Variants in PMEPA1 observed in about 807,000 individuals in gnomAD.
PMEPA1 encodes the protein prostate transmembrane protein, androgen induced 1.
PMEPA1 carries 11 observed loss-of-function variants against 23.0 expected under a neutral mutation model. The observed-to-expected ratio is 0.48, with a 90% CI of 0.30 to 0.79. The LOEUF is 0.79. Ranked by LOEUF, PMEPA1 falls within the 30% of genes least tolerant of loss-of-function variation. The pLI, the probability that PMEPA1 is intolerant of heterozygous loss-of-function variation, is 0.06. For synonymous variants in PMEPA1, 204 were observed against 166.4 expected, an observed-to-expected ratio of 1.23 and a Z score of -1.74; for missense variants, 377 against 390.9, an observed-to-expected ratio of 0.96 and a Z score of 0.30.
At position 57,683,905 on chromosome 20, in the gene PMEPA1, G is replaced by A. The variant is rs1429533551; in HGVS notation, c.110-24208C>T. Among the ~76,000 whole-genome samples the A allele has an allele frequency of 6.6e-6, 1 of 152,150 alleles. No individual in the cohort carries two copies. Among genetic ancestry groups the A allele is most frequent in the Non-Finnish European group, 1.5e-5 (1 of 68,034 alleles). ...AGTAGCTGCTCAACAGACCACTCCT[G>A]CCTGTGGGCTGTCTGTTTTGGGGGT... On this transcript the variant is annotated intron_variant, in intron 1 of 3. Coordinates refer to ENST00000341744, the MANE Select transcript of PMEPA1 (RefSeq NM_020182.5). This position sits in a 1 kb window ranked among gnomAD's most constrained non-coding sequence, Gnocchi z 4.3.
intron 1 of PMEPA1, among the ~76,000 whole-genome samples, chr20:57,685,760 C>T (rs1329484232): frequency 6.6e-6 from 1 of 152,156 alleles, no homozygotes; most frequent in Non-Finnish European, 1.5e-5. Flanking sequence ...TCTCTAACAC[C>T]TAGTAGCAGC....
rs957584067 is a variant in PMEPA1 at position 57,655,556 on chromosome 20, C to T, written c.265-2470G>A. On this transcript the variant is annotated intron_variant, in intron 2 of 3. Transcript: ENST00000341744. The surrounding 1 kb of genome is among the most constrained non-coding windows in gnomAD (Gnocchi z 4.2). The stretch of plus-strand genomic sequence containing the variant: ...TAGGTTCCAAAGTGGCTTGAGAAGT[C>T]GGGGGAGGTGGGCCCAGCTTCAGAA... Among the ~76,000 whole-genome samples, 3 of 152,316 alleles carry T rather than the reference C, an allele frequency of 2.0e-5. No homozygotes were observed. Among genetic ancestry groups the T allele is most frequent in the Non-Finnish European group, 4.4e-5 (3 of 68,030 alleles).
chr20:57,706,079 C>G (rs192922771), intron 1 of PMEPA1, among the ~76,000 whole-genome samples: 2 of 152,192 alleles, frequency 1.3e-5, no homozygotes, highest in Non-Finnish European at 2.9e-5. Context: ...ATCAGAGGCT[C>G]GGTGACTCTG....
intron 1 of PMEPA1, among the ~76,000 whole-genome samples, chr20:57,677,046 G>A (rs1294506966): frequency 2.0e-5 from 3 of 152,252 alleles, no homozygotes; most frequent in East Asian, 1.9e-4. Context: ...CTGGCCTTTC[G>A]CCTGCTCCCA....
chr20:57,652,424 A>G lies in PMEPA1; in HGVS notation c.493T>C (p.Cys165Arg). The G allele has an allele frequency of 6.2e-7, 1 of 1,613,666 alleles. No homozygotes were observed. Among genetic ancestry groups the G allele is most frequent in the Non-Finnish European group, 8.5e-7 (1 of 1,179,868 alleles). The change falls in exon 4 of 4, where the codon TGC (cysteine) becomes CGC (arginine). Residue 165 changes from cysteine to arginine, a missense_variant. By Grantham distance (180) the Cys-to-Arg change is radical. Coordinates refer to ENST00000341744, the MANE Select transcript of PMEPA1 (RefSeq NM_020182.5). This position sits in a 1 kb window ranked among gnomAD's most constrained non-coding sequence, Gnocchi z 6.1. ...TCGGGGTCCCGAAGCTGGAGGGTGC[A>G]GGGGCCCTGGTAGGGTGGGGGCTCC... ...GEEPPPYQGP[C>R]TLQLRDPEQQ...
intron 1 of PMEPA1, among the ~76,000 whole-genome samples, chr20:57,690,126 T>C (rs1735309972): frequency 6.6e-6 from 1 of 152,234 alleles, no homozygotes; most frequent in Non-Finnish European, 1.5e-5. Flanking sequence ...AGATCTAACC[T>C]TCCCACCTGC....
chr20:57,711,294 A>G (rs1307649259), upstream of PMEPA1: 2 of 152,222 alleles, frequency 1.3e-5, no homozygotes, highest in Admixed American at 1.3e-4. Context: ...GGAATTTGGG[A>G]AGTGAAGGTG....
chr20:57,660,791 C>A (rs980580856), intron 1 of PMEPA1, among the ~76,000 whole-genome samples: 1 of 151,768 alleles, frequency 6.6e-6, no homozygotes, highest in Non-Finnish European at 1.5e-5. Flanking sequence ...CACTCCTACA[C>A]ACACGTCAAC....
Position 57,683,723 on chromosome 20 carries a change from C to T in PMEPA1, c.110-24026G>A, listed in dbSNP as rs75658753. Among the ~76,000 whole-genome samples the T allele has an allele frequency of 4.3e-3, 651 of 152,146 alleles. 6 individuals are homozygous for T. The highest frequency in any genetic ancestry group is 0.015 in the African/African-American group (620 of 41,494). Reference sequence around the variant, plus strand: ...TTACAAGCACAGTCACCCCACTTCCCCACTCCGCGGGGAAATTTACAGGCT... The same window carrying T: ...TTACAAGCACAGTCACCCCACTTCCTCACTCCGCGGGGAAATTTACAGGCT... On this transcript the variant is annotated intron_variant, in intron 1 of 3. Transcript: ENST00000341744. This position sits in a 1 kb window ranked among gnomAD's most constrained non-coding sequence, Gnocchi z 4.3.
Position 57,676,370 on chromosome 20 carries a change from T to A in PMEPA1, c.110-16673A>T, listed in dbSNP as rs111784801. Among the ~76,000 whole-genome samples the A allele has an allele frequency of 1.7e-3, 257 of 152,294 alleles. 2 individuals carry two copies. Among genetic ancestry groups the A allele is most frequent in the African/African-American group, 5.8e-3 (241 of 41,566 alleles). On this transcript the variant is annotated intron_variant, in intron 1 of 3. Coordinates refer to ENST00000341744, the MANE Select transcript of PMEPA1 (RefSeq NM_020182.5). ...CGCTAGCTGGTACACAGCAAGTGCA[T>A]AATAAATGGTGATCATCATGACATG...
intron 1 of PMEPA1, among the ~76,000 whole-genome samples, chr20:57,677,509 A>G (rs2071654420): frequency 6.6e-6 from 1 of 152,168 alleles, no homozygotes; most frequent in South Asian, 2.1e-4. Flanking sequence ...GCCCTCGATT[A>G]ACATGTGAAA....
rs1246694726 is a variant in PMEPA1 at position 57,648,801 on chromosome 20, T to C, written c.*3252A>G. 1 of 152,218 alleles carries C rather than the reference T, an allele frequency of 6.6e-6. No individual in the cohort carries two copies. The highest frequency in any genetic ancestry group is 6.5e-5 in the Admixed American group (1 of 15,292). The allele number at this position is 152,218 out of a possible 1,614,324, so 9.4% of individuals were successfully genotyped here. On this transcript the variant is annotated 3_prime_UTR_variant, in exon 4 of 4. Transcript: ENST00000341744. Reference sequence around the variant, plus strand: ...TTCTTTCCTTATCGACGGGATATTTTATGGTTCTGGAAGCTTCGTGTTGCA... The same window carrying C: ...TTCTTTCCTTATCGACGGGATATTTCATGGTTCTGGAAGCTTCGTGTTGCA...
intron 2 of PMEPA1, 147 bp downstream of exon 2, chr20:57,659,396 G>A: frequency 2.5e-6 from 2 of 785,166 alleles, no homozygotes; most frequent in South Asian, 1.8e-5. Flanking sequence ...AGGGGAGGAA[G>A]CTGCTGTCAG....
chr20:57,650,386 G>C lies in PMEPA1; in HGVS notation c.*1667C>G, dbSNP rs55816771. ...TCCCACCCCCATGGGGAGGAAAGAC[G>C]TCAAGCTCCAGCCACTGGCCCCGGT... is the stretch of plus-strand genomic sequence containing the variant. On this transcript the variant is annotated 3_prime_UTR_variant, in exon 4 of 4. Coordinates refer to ENST00000341744, the MANE Select transcript of PMEPA1 (RefSeq NM_020182.5). 1 of 152,072 alleles carries C rather than the reference G, an allele frequency of 6.6e-6. No individual in the cohort carries two copies. Among genetic ancestry groups the C allele is most frequent in the Non-Finnish European group, 1.5e-5 (1 of 68,006 alleles). 9.4% of individuals were successfully genotyped at this position (152,072 alleles called of 1,614,324 possible).
intron 1 of PMEPA1, among the ~76,000 whole-genome samples, chr20:57,664,583 G>A (rs369059218): frequency 6.7e-5 from 10 of 149,790 alleles, no homozygotes; most frequent in East Asian, 3.8e-4. Context: ...TCCGAGGAGC[G>A]CAGGGAGGCT....
chr20:57,687,297 G>A (rs1053924982), intron 1 of PMEPA1, among the ~76,000 whole-genome samples: 4 of 152,350 alleles, frequency 2.6e-5, no homozygotes, highest in South Asian at 2.1e-4. Context: ...CCAAGGCTCC[G>A]CAAGATAGCA....
chr20:57,679,051 GTCC>G (rs1311358825), intron 1 of PMEPA1, among the ~76,000 whole-genome samples: 1 of 152,224 alleles, frequency 6.6e-6, no homozygotes, highest in East Asian at 1.9e-4. Flanking sequence ...TTGAAGAAGA[GTCC>G]TCCTCTGTCT....
At position 57,652,012 on chromosome 20, in the gene PMEPA1, CT is replaced by C; in HGVS notation, c.*40del. 1.4e-6 allele frequency: 2 copies of C among 1,440,938 alleles called. No homozygotes were observed. The highest frequency in any genetic ancestry group is 9.2e-7 in the Non-Finnish European group (1 of 1,089,402). The allele number at this position is 1,440,938 out of a possible 1,614,324, so 89.3% of individuals were successfully genotyped here. ...TTCTAAGAAGCGCGGAGTGTTCTGC[CT>C]TTTCACCTACGCAGCCCCAGCCCGG... On this transcript the variant is annotated 3_prime_UTR_variant, in exon 4 of 4. Coordinates refer to ENST00000341744, the MANE Select transcript of PMEPA1 (RefSeq NM_020182.5). This position sits in a 1 kb window ranked among gnomAD's most constrained non-coding sequence, Gnocchi z 6.1.
chr20:57,667,397 G>A (rs1164325977), intron 1 of PMEPA1, among the ~76,000 whole-genome samples: 1 of 152,184 alleles, frequency 6.6e-6, no homozygotes, highest in Non-Finnish European at 1.5e-5. Context: ...GGGGCACTAG[G>A]CGGGGAGGTG....
Sources: gnomAD v4.1 joint callset for allele counts (sites outside exome capture counted in the v4.1 genomes callset) on GRCh38, gnomAD v4.1.1 for gene constraint, Gnocchi (gnomAD v3.1) non-coding constraint, MANE v1.5 for transcripts, NCBI Gene and HGNC (gene_info 2026-07-23, HGNC 2026-07-21) for gene names.